Variants in TLK1 observed in about 807,000 individuals in gnomAD.
The protein encoded by TLK1 is serine/threonine-protein kinase tousled-like 1.
TLK1 carries 24 observed loss-of-function variants against 105.3 expected under a neutral mutation model. The observed-to-expected ratio is 0.23, with a 90% CI of 0.17 to 0.32. The LOEUF is 0.32. Ranked by LOEUF, TLK1 falls within the 10% of genes least tolerant of loss-of-function variation. The probability of loss-of-function intolerance (pLI) is 1.00; values close to 1 mark genes in which losing one functional copy is unlikely to be tolerated. For synonymous variants in TLK1, 321 were observed against 310.4 expected (o/e 1.03, Z -0.36); for missense variants, 558 against 910.5 (o/e 0.61, Z 4.98).
At chr2:171,069,610 CAAT>C (rs917425141) in intron 3 of TLK1, among the ~76,000 whole-genome samples, 9 of 152,078 alleles carry the variant, frequency 5.9e-5, no homozygotes, top group African/African-American at 2.2e-4. Flanking sequence ...TGCAAAACGT[CAAT>C]AATGTTAAGG....
chr2:171,197,008 G>A (rs147247808), intron 1 of TLK1, among the ~76,000 whole-genome samples: 27 of 152,288 alleles, frequency 1.8e-4, no homozygotes, highest in African/African-American at 5.8e-4. Flanking sequence ...AGTTGGACTA[G>A]AAAAACGAAA....
chr2:171,197,427 A>G (rs921330041), intron 1 of TLK1, among the ~76,000 whole-genome samples: 2 of 152,198 alleles, frequency 1.3e-5, no homozygotes, highest in Non-Finnish European at 2.9e-5. Context: ...AAAACATTCA[A>G]TAGTATTCAA....
At chr2:171,072,015 T>C (rs555854165) in intron 3 of TLK1, among the ~76,000 whole-genome samples, 1 of 152,352 alleles carries the variant, frequency 6.6e-6, no homozygotes, top group Admixed American at 6.5e-5. Flanking sequence ...GTAGTATAAT[T>C]TGAAGTCAGG....
intron 1 of TLK1, among the ~76,000 whole-genome samples, chr2:171,152,419 T>TC (rs1692078701): frequency 6.6e-6 from 1 of 152,200 alleles, no homozygotes; most frequent in South Asian, 2.1e-4. Flanking sequence ...CTGCTCTGCA[T>TC]ATCTTTCCAC....
intron 2 of TLK1, among the ~76,000 whole-genome samples, chr2:171,098,419 A>C (rs2105501024): frequency 6.6e-6 from 1 of 152,342 alleles, no homozygotes; most frequent in Admixed American, 6.5e-5. Context: ...AGAAAGGTAG[A>C]AATAAATAAT....
intron 3 of TLK1, among the ~76,000 whole-genome samples, chr2:171,070,324 A>G (rs994909485): frequency 6.6e-6 from 1 of 150,976 alleles, no homozygotes; most frequent in South Asian, 2.1e-4. Context: ...ATATACAATT[A>G]AATTATGTTT....
At chr2:171,168,595 A>G (rs985486180) in intron 1 of TLK1, among the ~76,000 whole-genome samples, 2 of 152,194 alleles carry the variant, frequency 1.3e-5, no homozygotes, top group African/African-American at 4.8e-5. Flanking sequence ...TCACTGAATC[A>G]TAAAAAGAAT....
At chr2:171,056,324 A>C (rs1198944331) in intron 6 of TLK1, 147 bp downstream of exon 6, 2 of 557,398 alleles carry the variant, frequency 3.6e-6, no homozygotes, top group Non-Finnish European at 6.1e-6. Context: ...AAAGGATTTA[A>C]TTCATGTCAC....
At chr2:171,049,394 T>C (rs990467515) in intron 10 of TLK1, among the ~76,000 whole-genome samples, 1 of 152,218 alleles carries the variant, frequency 6.6e-6, no homozygotes, top group African/African-American at 2.4e-5. Context: ...AGAGAAGTTT[T>C]TTCCCTTAGG....
intron 1 of TLK1, among the ~76,000 whole-genome samples, chr2:171,181,123 A>G (rs1692922217): frequency 6.6e-6 from 1 of 152,342 alleles, no homozygotes; most frequent in African/African-American, 2.4e-5. Flanking sequence ...ATTGAGAGAA[A>G]CAGTAGCTGA....
intron 13 of TLK1, among the ~76,000 whole-genome samples, chr2:171,014,480 G>C (rs182999248): frequency 6.6e-6 from 1 of 151,990 alleles, no homozygotes; most frequent in African/African-American, 2.4e-5. Context: ...AACTATAGGT[G>C]AGCACCACTG....
chr2:171,192,336 T>G (rs1411366709), intron 1 of TLK1, among the ~76,000 whole-genome samples: 1 of 152,126 alleles, frequency 6.6e-6, no homozygotes, highest in Non-Finnish European at 1.5e-5. Flanking sequence ...ACGATTATTA[T>G]TTTCATAATA....
intron 11 of TLK1, among the ~76,000 whole-genome samples, chr2:171,036,907 T>C (rs1410728800): frequency 6.6e-6 from 1 of 152,114 alleles, no homozygotes; most frequent in African/African-American, 2.4e-5. Context: ...AACAGAATAA[T>C]GGTTTTCCCA....
chr2:171,102,538 A>G (rs1026382022), intron 2 of TLK1, among the ~76,000 whole-genome samples: 4 of 152,238 alleles, frequency 2.6e-5, no homozygotes, highest in African/African-American at 7.2e-5. Flanking sequence ...GTAAATAAAC[A>G]GGCGAAACAG....
Position 170,996,026 on chromosome 2 carries a change from G to T in TLK1, c.2124+627C>A, listed in dbSNP as rs189063677. Among the ~76,000 whole-genome samples the T allele has an allele frequency of 3.5e-3, 530 of 150,806 alleles. 2 individuals carry two copies. Among genetic ancestry groups the T allele is most frequent in the Non-Finnish European group, 6.1e-3 (411 of 67,764 alleles). Reference sequence around the variant, plus strand: ...CTATTTGGTTTTTTTGAGACAGGGTGTCACTCTGTCCCCCAGGTTTGAGTG... The same window carrying T: ...CTATTTGGTTTTTTTGAGACAGGGTTTCACTCTGTCCCCCAGGTTTGAGTG... On this transcript the variant is annotated intron_variant, in intron 20 of 20. Transcript: ENST00000431350.
chr2:171,107,847 C>A (rs912250384), intron 2 of TLK1, among the ~76,000 whole-genome samples: 4 of 151,956 alleles, frequency 2.6e-5, no homozygotes, highest in African/African-American at 9.7e-5. Context: ...CTGCTTGAGC[C>A]CAGGAGTTAA....
chr2:170,998,099 T>TACC (rs1684166150), intron 18 of TLK1, among the ~76,000 whole-genome samples: 1 of 146,460 alleles, frequency 6.8e-6, no homozygotes, highest in African/African-American at 2.6e-5. Context: ...TCTACCTACC[T>TACC]ACCTACCTAC....
intron 12 of TLK1, among the ~76,000 whole-genome samples, chr2:171,024,806 T>C (rs1489155589): frequency 1.3e-5 from 2 of 152,190 alleles, no homozygotes; most frequent in South Asian, 4.1e-4. Flanking sequence ...TAAAAAGTAA[T>C]ATGTAATTCC....
At chr2:171,095,200 C>T (rs1172470136) in intron 2 of TLK1, among the ~76,000 whole-genome samples, 3 of 151,444 alleles carry the variant, frequency 2.0e-5, no homozygotes, top group Non-Finnish European at 4.4e-5. Context: ...ATAACCCAAC[C>T]GTCCACCCAA....
Sources: allele counts gnomAD v4.1 joint callset (sites outside exome capture counted in the v4.1 genomes callset), GRCh38; gene constraint gnomAD v4.1.1; transcripts MANE v1.5; gene names NCBI Gene and HGNC (gene_info 2026-07-23, HGNC 2026-07-21).